NBEA: variants seen among roughly 807,000 people sequenced by gnomAD.
NBEA encodes lysosomal-trafficking regulator 2.
NBEA carries 44 observed loss-of-function variants against 343.4 expected under a neutral mutation model. That is an observed-to-expected ratio of 0.13 (90% CI 0.10 to 0.16). NBEA has a LOEUF of 0.16. NBEA is among the 10% of genes least tolerant of loss of function. The pLI is 1.00. For missense variants in NBEA, 2,555 were observed against 3,631.3 expected (o/e 0.70, Z 7.62); for synonymous variants, 1,175 against 1,238.7 (o/e 0.95, Z 1.08).
rs36109768 is a variant in NBEA at position 35,369,156 on chromosome 13, A to ATTTTT, written c.6179+16847_6179+16851dup. ...ATGGATATTCTGTTGTGCCAGCACC[A>ATTTTT]TTTTTTTTTTTTTTTTTTGAAGAGA... On this transcript the variant is annotated intron_variant, in intron 38 of 58. Coordinates refer to ENST00000379939, the MANE Select transcript of NBEA (RefSeq NM_001385012.1). 2.0e-3 allele frequency among the ~76,000 whole-genome samples: 261 copies of ATTTTT among 128,270 alleles called. 5 individuals carry two copies. Among genetic ancestry groups the ATTTTT allele is most frequent in the African/African-American group, 7.1e-3 (240 of 33,932 alleles). The allele number at this position is 128,270 out of a possible 152,430, so 84.2% of individuals were successfully genotyped here.
At chr13:34,956,454 A>G (rs928606018) in intron 1 of NBEA, among the ~76,000 whole-genome samples, 42 of 140,030 alleles carry the variant, frequency 3.0e-4, no homozygotes, top group Non-Finnish European at 1.2e-4. Flanking sequence ...CAAATTCTTG[A>G]TATCTTTATC....
intron 34 of NBEA, among the ~76,000 whole-genome samples, chr13:35,278,554 T>C (rs963442650): frequency 6.6e-6 from 1 of 152,236 alleles, no homozygotes; most frequent in African/African-American, 2.4e-5. Flanking sequence ...AAATACTGCC[T>C]GTTGGTTTAG....
chr13:35,474,998 G>A lies in NBEA; in HGVS notation c.6585+2462G>A, dbSNP rs188669029. The A allele has an allele frequency of 5.3e-5, 82 of 1,537,618 alleles. No individual in the cohort carries two copies. In the East Asian group the frequency reaches 1.8e-3, roughly 34 times the overall value. Reference sequence around the variant, plus strand: ...GTGGAATATTAGGAATTGAACAGAAGTTTACACTTAATAAGGACTTTGAGA... The same window carrying A: ...GTGGAATATTAGGAATTGAACAGAAATTTACACTTAATAAGGACTTTGAGA... On this transcript the variant is annotated intron_variant, in intron 41 of 58. Coordinates refer to ENST00000379939, the MANE Select transcript of NBEA (RefSeq NM_001385012.1).
At position 35,093,096 on chromosome 13, in the gene NBEA, A is replaced by G. The variant is rs2065167906; in HGVS notation, c.1572-5201A>G. ...GGAGACTTAGAAGGCTACAGACTGT[A>G]TGATTCCATCTATGTCACATTCTTG... On this transcript the variant is annotated intron_variant, in intron 10 of 58. Transcript: ENST00000379939. Among the ~76,000 whole-genome samples the G allele has an allele frequency of 2.0e-5, 3 of 152,068 alleles. No individual in the cohort carries two copies. In the South Asian group the frequency reaches 6.2e-4, roughly 31 times the overall value.
At chr13:35,360,499 C>T (rs1050248317) in intron 38 of NBEA, among the ~76,000 whole-genome samples, 1 of 152,010 alleles carries the variant, frequency 6.6e-6, no homozygotes, top group Non-Finnish European at 1.5e-5. Context: ...AGGAAAATCT[C>T]ACCGTTTCTC....
intron 34 of NBEA, among the ~76,000 whole-genome samples, chr13:35,270,222 G>T (rs1426039099): frequency 6.6e-6 from 1 of 152,090 alleles, no homozygotes; most frequent in Non-Finnish European, 1.5e-5. Flanking sequence ...TCCACATAGA[G>T]AAATTATACT....
At chr13:35,076,967 C>T (rs568707956) in intron 10 of NBEA, among the ~76,000 whole-genome samples, 3 of 152,072 alleles carry the variant, frequency 2.0e-5, no homozygotes, top group East Asian at 1.9e-4. Flanking sequence ...AAGAGTATTA[C>T]CACATGCCAT....
rs1298986971 is a variant in NBEA at position 35,069,976 on chromosome 13, T to C, written c.1308T>C (p.Asp436=). 1 of 1,605,678 alleles carries C rather than the reference T, an allele frequency of 6.2e-7. No homozygotes were observed. The highest frequency in any genetic ancestry group is 2.2e-5 in the East Asian group (1 of 44,588). The stretch of plus-strand genomic sequence containing the variant: ...AACATCATAAACAGGTGTTATATGA[T>C]GGGAAACTTGCAAGTAGCATTGCCT... The part of the protein sequence containing the change: ...LAEHHKQVLY[D]GKLASSIAFT... Residue 436 remains aspartate (D), a synonymous_variant, in exon 9 of 59, where the codon GAT becomes GAC. Coordinates refer to ENST00000379939, the MANE Select transcript of NBEA (RefSeq NM_001385012.1).
intron 39 of NBEA, among the ~76,000 whole-genome samples, chr13:35,444,346 T>G (rs2045887831): frequency 6.6e-6 from 1 of 152,012 alleles, no homozygotes; most frequent in Non-Finnish European, 1.5e-5. Context: ...TCTGAAAAGG[T>G]ATTTGTTGCT....
At chr13:35,101,256 A>G (rs1379873942) in intron 11 of NBEA, among the ~76,000 whole-genome samples, 1 of 151,908 alleles carries the variant, frequency 6.6e-6, no homozygotes, top group Non-Finnish European at 1.5e-5. Context: ...TATTTGAGAA[A>G]CTATTGATGT....
At chr13:35,118,108 T>A in intron 14 of NBEA, 120 bp from the exon 15 acceptor site, 1 of 581,028 alleles carries the variant, frequency 1.7e-6, no homozygotes, top group Non-Finnish European at 2.8e-6. Context: ...GGGATTTTAA[T>A]TAAAATATCA....
chr13:35,104,627 A>G (rs924507499), intron 11 of NBEA, among the ~76,000 whole-genome samples: 1 of 149,810 alleles, frequency 6.7e-6, no homozygotes, highest in African/African-American at 2.5e-5. Flanking sequence ...TAGAAGTTTC[A>G]TTTTTTAATT....
At chr13:35,504,438 A>G (rs2076997341) in intron 41 of NBEA, among the ~76,000 whole-genome samples, 1 of 152,150 alleles carries the variant, frequency 6.6e-6, no homozygotes, top group African/African-American at 2.4e-5. Context: ...CCCAACTTGG[A>G]GGCTGCCACA....
At chr13:35,512,063 T>G (rs765541964) in intron 41 of NBEA, among the ~76,000 whole-genome samples, 1 of 152,208 alleles carries the variant, frequency 6.6e-6, no homozygotes, top group East Asian at 1.9e-4. Context: ...ATTCAGGAAT[T>G]TTTAAAACCT....
intron 13 of NBEA, among the ~76,000 whole-genome samples, chr13:35,114,357 G>GTCTTTAATATATTTATATATTT (rs2035522873): frequency 6.6e-6 from 1 of 152,084 alleles, no homozygotes; most frequent in Admixed American, 6.6e-5. Context: ...TGCTCCTATT[G>GTCTTTAATATATTTATATATTT]TCTTTAATAT....
chr13:35,496,482 A>G (rs2076681283), intron 41 of NBEA, among the ~76,000 whole-genome samples: 1 of 151,508 alleles, frequency 6.6e-6, no homozygotes, highest in African/African-American at 2.4e-5. Flanking sequence ...AAAAATGAAA[A>G]CCTTAGCCAG....
At chr13:35,517,370 C>T (rs371674384) in intron 41 of NBEA, among the ~76,000 whole-genome samples, 2 of 152,190 alleles carry the variant, frequency 1.3e-5, no homozygotes, top group African/African-American at 4.8e-5. Context: ...TGTCTTCCTT[C>T]TACAGCTCTA....
At chr13:35,106,527 T>G (rs1219421543) in intron 11 of NBEA, among the ~76,000 whole-genome samples, 1 of 151,888 alleles carries the variant, frequency 6.6e-6, no homozygotes, top group African/African-American at 2.4e-5. Context: ...AGATTTCTTT[T>G]TTACACTAAC....
In NBEA at chr13:35,428,030, G is replaced by T. The variant is rs572666234; in HGVS notation, c.6180-4239G>T. Among the ~76,000 whole-genome samples, 9 of 152,270 alleles carry T rather than the reference G, an allele frequency of 5.9e-5. No individual in the cohort carries two copies. The East Asian group carries it at 1.7e-3, about 29-fold the overall frequency. ...TGACCTGATTTTCCAGGTGCCATCTGTCACCCATTTCTTTGACTAGGAAAG... is the reference window on the plus strand; with the variant it reads ...TGACCTGATTTTCCAGGTGCCATCTTTCACCCATTTCTTTGACTAGGAAAG... On this transcript the variant is annotated intron_variant, in intron 38 of 58. Coordinates refer to ENST00000379939, the MANE Select transcript of NBEA (RefSeq NM_001385012.1).
Sources: gnomAD v4.1 joint callset for allele counts (sites outside exome capture counted in the v4.1 genomes callset) on GRCh38, gnomAD v4.1.1 for gene constraint, MANE v1.5 for transcripts, NCBI Gene and HGNC (gene_info 2026-07-23, HGNC 2026-07-21) for gene names.